The following SNX17 variants were observed in gnomAD, a reference collection of about 807,000 sequenced individuals.
SNX17 encodes the protein sorting nexin 17.
In SNX17, 35 loss-of-function variants were observed where a neutral mutation model predicts 64.3. That is an observed-to-expected ratio of 0.54 (90% CI 0.42 to 0.72). SNX17 has a LOEUF of 0.72. Among genes scored for constraint, SNX17 ranks in the 30% least tolerant of loss-of-function variants. The probability of loss-of-function intolerance (pLI) is 0.00; values close to 1 mark genes in which losing one functional copy is unlikely to be tolerated. For synonymous variants in SNX17, 259 were observed against 230.2 expected (o/e 1.13, Z -1.13); for missense variants, 538 against 610.0 (o/e 0.88, Z 1.24).
At position 27,370,692 on chromosome 2, in the gene SNX17, G is replaced by A. The variant is rs536149764; in HGVS notation, c.-52G>A. 115 of 1,512,254 alleles carry A rather than the reference G, an allele frequency of 7.6e-5. No individual in the cohort carries two copies. The East Asian group carries it at 1.6e-3, about 21-fold the overall frequency. The allele number at this position is 1,512,254 out of a possible 1,614,324, so 93.7% of individuals were successfully genotyped here. A position where few individuals can be genotyped will look rare whatever the true frequency, so the allele number is the denominator to read the frequency against. On this transcript the variant is annotated 5_prime_UTR_variant, in exon 1 of 15. Transcript: ENST00000233575. ...GAGCAGCGGAGGGGGAGCGTGCAGA[G>A]CCGCTGCGGCCCTCACAGTCCGGAG...
intron 5 of SNX17, 33 bp from the exon 6 acceptor site, chr2:27,374,052 T>C: frequency 6.2e-7 from 1 of 1,610,360 alleles, no homozygotes; most frequent in Non-Finnish European, 8.5e-7. Context: ...AACCAGCCAG[T>C]ATGATGAGCT....
rs2148395376 is a variant in SNX17 at position 27,372,556 on chromosome 2, C to T, written c.139-67C>T. Reference sequence around the variant, plus strand: ...GGGGCACCCAAGAGAACATTATGAGCATATGTAGATTGCCTCATCTCATTT... The same window carrying T: ...GGGGCACCCAAGAGAACATTATGAGTATATGTAGATTGCCTCATCTCATTT... On this transcript the variant is annotated intron_variant, in intron 2 of 14. Transcript: ENST00000233575. The T allele has an allele frequency of 1.9e-6, 3 of 1,611,220 alleles. 1 individual carries two copies. In the East Asian group the frequency reaches 6.7e-5, roughly 36 times the overall value.
intron 1 of SNX17, 50 bp downstream of exon 1, chr2:27,370,856 G>A (rs1264562242): frequency 1.3e-6 from 2 of 1,520,612 alleles, no homozygotes; most frequent in Non-Finnish European, 1.8e-6. Flanking sequence ...GGGGATAACG[G>A]GCCCGAGCCA....
chr2:27,371,387 C>T, intron 2 of SNX17, 44 bp downstream of exon 2: 1 of 1,580,190 alleles, frequency 6.3e-7, no homozygotes, highest in Non-Finnish European at 8.6e-7. Flanking sequence ...AAGCCCTTCC[C>T]TACACGTGGA....
intron 6 of SNX17, 45 bp downstream of exon 6, chr2:27,374,220 G>A: frequency 6.3e-7 from 1 of 1,588,328 alleles, no homozygotes; most frequent in Non-Finnish European, 8.6e-7. Flanking sequence ...TACTTCAGTA[G>A]AGTTTGCAGC....
chr2:27,371,751 C>G (rs1682584955), intron 2 of SNX17: 1 of 172,176 alleles, frequency 5.8e-6, no homozygotes, highest in Non-Finnish European at 1.3e-5. Context: ...CGGCTCATTT[C>G]AGTGTGTTTA....
At position 27,375,461 on chromosome 2, in the gene SNX17, C is replaced by T. The variant is rs866781105; in HGVS notation, c.775-45C>T. On this transcript the variant is annotated intron_variant, in intron 9 of 14. Transcript: ENST00000233575. This position sits in a 1 kb window ranked among gnomAD's most constrained non-coding sequence, Gnocchi z 4.1. ...CCGGGGTTGCTTTTTCTGAGCTGCC[C>T]CATTCTCCCTCCTAATCTACCCCCA... 1 of 1,608,642 alleles carries T rather than the reference C, an allele frequency of 6.2e-7. No individual in the cohort carries two copies. The highest frequency in any genetic ancestry group is 1.7e-4 in the Middle Eastern group (1 of 6,052).
intron 2 of SNX17, among the ~76,000 whole-genome samples, chr2:27,372,399 G>C (rs1383377362): frequency 6.6e-6 from 1 of 152,120 alleles, no homozygotes; most frequent in African/African-American, 2.4e-5. Context: ...TACTGTGGAG[G>C]GGCTGACTTG....
Position 27,377,280 on chromosome 2 carries a change from A to G in SNX17, c.*561A>G, listed in dbSNP as rs1558309595. 1 of 619,988 alleles carries G rather than the reference A, an allele frequency of 1.6e-6. No homozygotes were observed. The highest frequency in any genetic ancestry group is 2.9e-6 in the Non-Finnish European group (1 of 346,844). The allele number at this position is 619,988 out of a possible 1,614,324, so 38.4% of individuals were successfully genotyped here. A position where few individuals can be genotyped will look rare whatever the true frequency, so the allele number is the denominator to read the frequency against. ...TATAAAGCACTGAAATAAGTTAAATAAACAGGTGGGAGGCTGGGCAGTCCC... is the reference window on the plus strand; with the variant it reads ...TATAAAGCACTGAAATAAGTTAAATGAACAGGTGGGAGGCTGGGCAGTCCC... On this transcript the variant is annotated 3_prime_UTR_variant, in exon 15 of 15. Coordinates refer to ENST00000233575, the MANE Select transcript of SNX17 (RefSeq NM_014748.4). The surrounding 1 kb of genome is among the most constrained non-coding windows in gnomAD (Gnocchi z 4.4).
rs2148410619 is a variant in SNX17 at position 27,377,404 on chromosome 2, GT to G, written c.*686del. ...GCCTCAGTCAAGGCAAGGTCCCCTG[GT>G]CCATATGGGCCCCCCCGCCCATGGG... On this transcript the variant is annotated 3_prime_UTR_variant, in exon 15 of 15. Coordinates refer to ENST00000233575, the MANE Select transcript of SNX17 (RefSeq NM_014748.4). This position sits in a 1 kb window ranked among gnomAD's most constrained non-coding sequence, Gnocchi z 4.4. The G allele has an allele frequency of 1.1e-6, 1 of 900,278 alleles. No individual in the cohort carries two copies. The highest frequency in any genetic ancestry group is 1.8e-6 in the Non-Finnish European group (1 of 564,872). 55.8% of individuals were successfully genotyped at this position (900,278 alleles called of 1,614,324 possible). A position where few individuals can be genotyped will look rare whatever the true frequency, so the allele number is the denominator to read the frequency against.
Position 27,374,103 on chromosome 2 carries a change from G to A in SNX17, c.451G>A (p.Asp151Asn). ...DVLEAVAAKLDLPDDLIGYFS... is the reference protein window; with the variant it reads ...DVLEAVAAKLNLPDDLIGYFS... Reference sequence around the variant, plus strand: ...TCCCCAGGCTGTAGCTGCAAAGCTGGATCTTCCAGATGACTTGATTGGATA... The same window carrying A: ...TCCCCAGGCTGTAGCTGCAAAGCTGAATCTTCCAGATGACTTGATTGGATA... Residue 151 changes from aspartate to asparagine, a missense_variant, in exon 6 of 15, where the codon GAT becomes AAT. Physicochemically the swap from Asp to Asn is conservative, Grantham distance 23 (BLOSUM62 1). Coordinates refer to ENST00000233575, the MANE Select transcript of SNX17 (RefSeq NM_014748.4). 6.2e-7 allele frequency: 1 copy of A among 1,614,214 alleles called. No homozygotes were observed. Among genetic ancestry groups the A allele is most frequent in the South Asian group, 1.1e-5 (1 of 91,082 alleles).
Position 27,376,774 on chromosome 2 carries a change from C to G in SNX17, c.*55C>G. 2.1e-6 allele frequency: 3 copies of G among 1,448,422 alleles called. No homozygotes were observed. Among genetic ancestry groups the G allele is most frequent in the South Asian group, 1.2e-5 (1 of 86,318 alleles). The allele number at this position is 1,448,422 out of a possible 1,614,324, so 89.7% of individuals were successfully genotyped here. On this transcript the variant is annotated 3_prime_UTR_variant, in exon 15 of 15. Coordinates refer to ENST00000233575, the MANE Select transcript of SNX17 (RefSeq NM_014748.4). ...CCCAGAGGAATTTACAGAAACTTGC[C>G]CTGTGCCTGTGTCCCCCATGCTAGG...
At position 27,372,557 on chromosome 2, in the gene SNX17, A is replaced by G; in HGVS notation, c.139-66A>G. The stretch of plus-strand genomic sequence containing the variant: ...GGGCACCCAAGAGAACATTATGAGC[A>G]TATGTAGATTGCCTCATCTCATTTT... On this transcript the variant is annotated intron_variant, in intron 2 of 14. Transcript: ENST00000233575. 9.3e-6 allele frequency: 15 copies of G among 1,612,046 alleles called. No individual in the cohort carries two copies. In the South Asian group the frequency reaches 1.2e-4, roughly 13 times the overall value.
At chr2:27,373,356 G>A (rs374354768) in intron 4 of SNX17, 45 bp downstream of exon 4, 33 of 1,593,730 alleles carry the variant, frequency 2.1e-5, no homozygotes, top group Non-Finnish European at 2.8e-5. Context: ...GGACCTTGCT[G>A]GAAGGTCATG....
At position 27,375,888 on chromosome 2, in the gene SNX17, CG is replaced by C. The variant is rs1222664981; in HGVS notation, c.1025del (p.Gly342ValfsTer13). 6.2e-7 allele frequency: 1 copy of C among 1,614,018 alleles called. No homozygotes were observed. The highest frequency in any genetic ancestry group is 1.3e-5 in the African/African-American group (1 of 74,928). ...SGSTSSPGRG[R>X]GEVRLELAFE... ...AAGCACGAGCAGCCCAGGCCGGGGC[CG>C]GGGTGAGGTGCGCCTGGAACTGGCT... On this transcript the variant is annotated frameshift_variant, in exon 11 of 15. Transcript: ENST00000233575. LOFTEE classifies it high-confidence loss of function. The surrounding 1 kb of genome is among the most constrained non-coding windows in gnomAD (Gnocchi z 4.1).
At position 27,373,959 on chromosome 2, in the gene SNX17, G is replaced by A; in HGVS notation, c.420G>A (p.Glu140=). The part of the protein sequence containing the change: ...LVNVLTSDQT[E]DVLEAVAAKL... ...ACGTGCTAACTTCAGATCAGACTGAGGATGTCCTGGAGGTGAGGCGCTTGT... is the reference window on the plus strand; with the variant it reads ...ACGTGCTAACTTCAGATCAGACTGAAGATGTCCTGGAGGTGAGGCGCTTGT... Residue 140 remains glutamate (E), a synonymous_variant, in exon 5 of 15, where the codon GAG becomes GAA. Coordinates refer to ENST00000233575, the MANE Select transcript of SNX17 (RefSeq NM_014748.4). 1.9e-6 allele frequency: 3 copies of A among 1,614,156 alleles called. No individual in the cohort carries two copies. The highest frequency in any genetic ancestry group is 1.1e-5 in the South Asian group (1 of 91,078).
chr2:27,372,583 CTG>C, intron 2 of SNX17, 38 bp from the exon 3 acceptor site: 1 of 1,613,824 alleles, frequency 6.2e-7, no homozygotes, highest in Non-Finnish European at 8.5e-7. Flanking sequence ...ATCTCATTTT[CTG>C]TGTTTATGTG....
chr2:27,374,059 A>G (rs1459788593), intron 5 of SNX17, 26 bp from the exon 6 acceptor site: 1 of 1,611,830 alleles, frequency 6.2e-7, no homozygotes. Context: ...CAGTATGATG[A>G]GCTGTACTTC....
chr2:27,375,423 C>A lies in SNX17; in HGVS notation c.775-83C>A. Reference sequence around the variant, plus strand: ...AAAGTGCTGGGATTATAGGCATGAGCCACCGCGCCCGACCGGGGTTGCTTT... The same window carrying A: ...AAAGTGCTGGGATTATAGGCATGAGACACCGCGCCCGACCGGGGTTGCTTT... On this transcript the variant is annotated intron_variant, in intron 9 of 14. Coordinates refer to ENST00000233575, the MANE Select transcript of SNX17 (RefSeq NM_014748.4). The surrounding 1 kb of genome is among the most constrained non-coding windows in gnomAD (Gnocchi z 4.1). 1 of 1,456,436 alleles carries A rather than the reference C, an allele frequency of 6.9e-7. No individual in the cohort carries two copies. 90.2% of individuals were successfully genotyped at this position (1,456,436 alleles called of 1,614,324 possible).
Sources: allele counts gnomAD v4.1 joint callset (sites outside exome capture counted in the v4.1 genomes callset), GRCh38; gene constraint gnomAD v4.1.1; non-coding constraint Gnocchi (gnomAD v3.1); transcripts MANE v1.5; gene names NCBI Gene and HGNC (gene_info 2026-07-23, HGNC 2026-07-21).